The following ATP9A variants were observed in gnomAD, a reference collection of about 807,000 sequenced individuals.
The protein encoded by ATP9A is probable phospholipid-transporting ATPase IIA.
A neutral mutation model predicts 144.1 loss-of-function variants in ATP9A; 52 were observed. That is an observed-to-expected ratio of 0.36 (90% CI 0.29 to 0.45). ATP9A has a LOEUF of 0.45. Among genes scored for constraint, ATP9A ranks in the 20% least tolerant of loss-of-function variants. ATP9A has a pLI of 1.00. For synonymous variants in ATP9A, 582 were observed against 557.4 expected, an observed-to-expected ratio of 1.04 and a Z score of -0.62; for missense variants, 947 against 1,392.7, an observed-to-expected ratio of 0.68 and a Z score of 5.09.
At chr20:51,616,926 A>G (rs1400594061) in intron 22 of ATP9A, among the ~76,000 whole-genome samples, 4 of 149,386 alleles carry the variant, frequency 2.7e-5, no homozygotes, top group Non-Finnish European at 5.9e-5. Context: ...CCATACCCTA[A>G]GAATATAGAG....
At position 51,596,558 on chromosome 20, in the gene ATP9A, T is replaced by C. The variant is rs1354049921; in HGVS notation, c.*4653A>G. ...TTATATCTATCACCTTTTGAAATTC[T>C]GACACGTCTGGGATGGACAATAGTA... On this transcript the variant is annotated 3_prime_UTR_variant, in exon 28 of 28. Transcript: ENST00000338821. The C allele has an allele frequency of 6.6e-6, 1 of 152,200 alleles. No homozygotes were observed. The highest frequency in any genetic ancestry group is 6.5e-5 in the Admixed American group (1 of 15,276). 9.4% of individuals were successfully genotyped at this position (152,200 alleles called of 1,614,324 possible).
chr20:51,731,058 C>T (rs1313161572), intron 1 of ATP9A, among the ~76,000 whole-genome samples: 1 of 152,076 alleles, frequency 6.6e-6, no homozygotes, highest in Admixed American at 6.6e-5. Flanking sequence ...GTAATCCCAG[C>T]ACTTTGGGAG....
intron 3 of ATP9A, among the ~76,000 whole-genome samples, chr20:51,719,604 G>T (rs868722666): frequency 6.6e-6 from 1 of 150,654 alleles, no homozygotes; most frequent in East Asian, 2.0e-4. Context: ...GTGGTGGCAC[G>T]CACCTGTAGT....
intron 14 of ATP9A, among the ~76,000 whole-genome samples, chr20:51,651,938 GA>G (rs925466905): frequency 1.3e-4 from 19 of 150,904 alleles, no homozygotes; most frequent in Admixed American, 9.8e-4. Context: ...GCCAAAAAAA[GA>G]AAAAAAGTTT....
At chr20:51,654,896 T>C (rs2426350) in intron 14 of ATP9A, among the ~76,000 whole-genome samples, 72,479 of 151,568 alleles carry the variant, frequency 0.48, 18,071 homozygotes, top group East Asian at 0.79. Flanking sequence ...CGGGAGTAAG[T>C]CACACACTAT....
intron 4 of ATP9A, among the ~76,000 whole-genome samples, chr20:51,711,852 ATTT>A (rs11469394): frequency 8.2e-4 from 99 of 120,932 alleles, no homozygotes; most frequent in East Asian, 4.9e-3. Flanking sequence ...TTCAATTTCA[ATTT>A]TTTTTTTTTT....
In ATP9A at chr20:51,662,019, T is replaced by C. The variant is rs187051533; in HGVS notation, c.1294-4869A>G. Reference sequence around the variant, plus strand: ...CAACTGTGAGGGGACAGGGGTACTATAGAAATCTGTAGCATGCTGCTTAAC... The same window carrying C: ...CAACTGTGAGGGGACAGGGGTACTACAGAAATCTGTAGCATGCTGCTTAAC... On this transcript the variant is annotated intron_variant, in intron 13 of 27. Transcript: ENST00000338821. Among the ~76,000 whole-genome samples the C allele has an allele frequency of 1.1e-3, 163 of 152,302 alleles. 1 individual carries two copies. In the Middle Eastern group the frequency reaches 0.014, roughly 13 times the overall value.
At chr20:51,663,333 C>A (rs975674190) in intron 13 of ATP9A, among the ~76,000 whole-genome samples, 1 of 152,106 alleles carries the variant, frequency 6.6e-6, no homozygotes, top group Non-Finnish European at 1.5e-5. Context: ...CTGGTTACTG[C>A]CGAATGATAT....
intron 4 of ATP9A, among the ~76,000 whole-genome samples, chr20:51,698,375 T>C (rs1256627375): frequency 6.6e-6 from 1 of 152,112 alleles, no homozygotes; most frequent in Non-Finnish European, 1.5e-5. Context: ...ACATAAAAAT[T>C]AGCTGGATGT....
At chr20:51,685,384 C>G (rs1164656309) in intron 9 of ATP9A, among the ~76,000 whole-genome samples, 1 of 151,948 alleles carries the variant, frequency 6.6e-6, no homozygotes, top group Non-Finnish European at 1.5e-5. Flanking sequence ...CATGATGAAA[C>G]CCCAACTCTA....
At chr20:51,629,572 C>T (rs1026194791) in intron 15 of ATP9A, among the ~76,000 whole-genome samples, 1 of 152,186 alleles carries the variant, frequency 6.6e-6, no homozygotes, top group Non-Finnish European at 1.5e-5. Context: ...AGATGCCAGT[C>T]ATACACCCTC....
chr20:51,625,310 G>A lies in ATP9A; in HGVS notation c.1898C>T (p.Ala633Val). 2 of 1,614,212 alleles carry A rather than the reference G, an allele frequency of 1.2e-6. No homozygotes were observed. Among genetic ancestry groups the A allele is most frequent in the Non-Finnish European group, 1.7e-6 (2 of 1,180,030 alleles). Residue 633 changes from alanine (A) to valine (V), a missense_variant, in exon 18 of 28, where the codon GCC (alanine) becomes GTC (valine). Transcript: ENST00000338821. ...LSVHDRSLKV[A>V]TVIESLEMEM... is the part of the protein sequence containing the mutation. ...CATCTCCAGGCTCTCGATCACCGTG[G>A]CCACTTTGAGGGAGCGGTCGTGCAC...
chr20:51,724,790 G>A (rs1318708718), intron 3 of ATP9A, among the ~76,000 whole-genome samples: 1 of 152,158 alleles, frequency 6.6e-6, no homozygotes, highest in African/African-American at 2.4e-5. Context: ...GGGCTACTCG[G>A]TTCTGCTACA....
chr20:51,729,171 A>G (rs1308981195), intron 2 of ATP9A, among the ~76,000 whole-genome samples: 1 of 152,182 alleles, frequency 6.6e-6, no homozygotes, highest in African/African-American at 2.4e-5. Context: ...GATGGGGGGA[A>G]ATTTAAGCAC....
At chr20:51,607,675 G>A (rs2077169016) in intron 25 of ATP9A, 91 bp from the exon 26 acceptor site, 1 of 942,098 alleles carries the variant, frequency 1.1e-6, no homozygotes, top group Non-Finnish European at 1.7e-6. Flanking sequence ...CCGCTAACGA[G>A]ATAAGGCAAC....
chr20:51,743,198 C>T (rs1721888924), intron 1 of ATP9A, among the ~76,000 whole-genome samples: 1 of 152,174 alleles, frequency 6.6e-6, no homozygotes, highest in Non-Finnish European at 1.5e-5. Flanking sequence ...GCATGGACTT[C>T]AGCTCCCTGG....
At chr20:51,736,140 G>A (rs1347407245) in intron 1 of ATP9A, among the ~76,000 whole-genome samples, 4 of 152,264 alleles carry the variant, frequency 2.6e-5, no homozygotes, top group Non-Finnish European at 5.9e-5. Context: ...GAACTGCACA[G>A]GCAAAGATCC....
Position 51,697,528 on chromosome 20 carries a change from C to A in ATP9A, c.437-46G>T, listed in dbSNP as rs375294315. 26 of 1,577,190 alleles carry A rather than the reference C, an allele frequency of 1.6e-5. No homozygotes were observed. In the African/African-American group the frequency reaches 2.7e-4, roughly 16 times the overall value. ...GATACATCACCATCTTAATTCATTTCAATTCAACACGTCTTTACAGAGTGC... is the reference window on the plus strand; with the variant it reads ...GATACATCACCATCTTAATTCATTTAAATTCAACACGTCTTTACAGAGTGC... On this transcript the variant is annotated intron_variant, in intron 4 of 27. Coordinates refer to ENST00000338821, the MANE Select transcript of ATP9A (RefSeq NM_006045.3).
In ATP9A at chr20:51,618,810, C is replaced by A; in HGVS notation, c.2206-4G>T. ...ACTCATAGTACTTGAGGCAAACCTG[C>A]AGGGTGGAGGGAGAGGTGGTGCGTT... is the stretch of plus-strand genomic sequence containing the variant. On this transcript the variant is annotated splice_polypyrimidine_tract_variant and splice_region_variant and intron_variant, in intron 20 of 27. Coordinates refer to ENST00000338821, the MANE Select transcript of ATP9A (RefSeq NM_006045.3). 3 of 1,585,304 alleles carry A rather than the reference C, an allele frequency of 1.9e-6. No homozygotes were observed. The highest frequency in any genetic ancestry group is 2.6e-6 in the Non-Finnish European group (3 of 1,163,370).
Sources: gnomAD v4.1 joint callset for allele counts (sites outside exome capture counted in the v4.1 genomes callset) on GRCh38, gnomAD v4.1.1 for gene constraint, MANE v1.5 for transcripts, NCBI Gene and HGNC (gene_info 2026-07-23, HGNC 2026-07-21) for gene names.